Variants in SLC26A5 observed in about 807,000 individuals in gnomAD.
The protein encoded by SLC26A5 is prestin.
In SLC26A5, 51 loss-of-function variants were observed where a neutral mutation model predicts 81.0. The observed-to-expected ratio is 0.63, with a 90% CI of 0.50 to 0.80. The LOEUF is 0.80. SLC26A5 is among the 30% of genes least tolerant of loss of function. The probability of loss-of-function intolerance (pLI) is 0.00; values close to 1 mark genes in which losing one functional copy is unlikely to be tolerated. For missense variants in SLC26A5, 771 were observed against 905.8 expected (o/e 0.85, Z 1.91); for synonymous variants, 325 against 332.8 (o/e 0.98, Z 0.25).
intron 2 of SLC26A5, among the ~76,000 whole-genome samples, chr7:103,428,164 T>G (rs1825829905): frequency 6.6e-6 from 1 of 152,068 alleles, no homozygotes; most frequent in South Asian, 2.1e-4. Flanking sequence ...CGTCTAGAGA[T>G]TCTAATTTAA....
chr7:103,421,643 T>A, intron 2 of SLC26A5, 76 bp from the exon 3 acceptor site: 1 of 1,020,980 alleles, frequency 9.8e-7, no homozygotes, highest in Non-Finnish European at 1.5e-6. Context: ...CTCTTCTTTG[T>A]GGTGTTCCAA....
chr7:103,366,510 T>C (rs1820727323), intron 19 of SLC26A5, among the ~76,000 whole-genome samples: 1 of 152,228 alleles, frequency 6.6e-6, no homozygotes, highest in South Asian at 2.1e-4. Context: ...AAACCTGAAA[T>C]CTAAAGTGCT....
Position 103,376,764 on chromosome 7 carries a change from A to T in SLC26A5, c.2041+44T>A, listed in dbSNP as rs768558553. On this transcript the variant is annotated intron_variant, in intron 19 of 19. Coordinates refer to ENST00000306312, the MANE Select transcript of SLC26A5 (RefSeq NM_198999.3). ...TGCAATTATTTAAATAAGAGAAACA[A>T]AACTAAAATATTAAGCTTCACCCCA... 2.9e-6 allele frequency: 4 copies of T among 1,363,366 alleles called. No homozygotes were observed. In the East Asian group the frequency reaches 9.2e-5, roughly 31 times the overall value. 84.5% of individuals were successfully genotyped at this position (1,363,366 alleles called of 1,614,324 possible).
At chr7:103,437,251 G>C (rs1337195219) in intron 2 of SLC26A5, among the ~76,000 whole-genome samples, 1 of 152,220 alleles carries the variant, frequency 6.6e-6, no homozygotes, top group East Asian at 1.9e-4. Context: ...TCACCTGTTA[G>C]AATGGCCTTC....
chr7:103,389,344 G>T lies in SLC26A5; in HGVS notation c.1392C>A (p.Thr464=). 3 of 1,613,004 alleles carry T rather than the reference G, an allele frequency of 1.9e-6. No individual in the cohort carries two copies. Among genetic ancestry groups the T allele is most frequent in the Non-Finnish European group, 2.5e-6 (3 of 1,179,012 alleles). ...QFSDLPFFWR[T]SKIELTIWLT... is the part of the protein sequence containing the mutation. ...TGTTACTTACCAGCTCTATTTTGCTGGTTCTCCAGAAAAAGGGGAGATCTG... is the reference window on the plus strand; with the variant it reads ...TGTTACTTACCAGCTCTATTTTGCTTGTTCTCCAGAAAAAGGGGAGATCTG... Residue 464 remains threonine, a synonymous_variant, in exon 13 of 20, where the codon ACC becomes ACA. Transcript: ENST00000306312.
At chr7:103,405,473 G>T (rs761347473) in intron 8 of SLC26A5, among the ~76,000 whole-genome samples, 11 of 152,112 alleles carry the variant, frequency 7.2e-5, no homozygotes, top group Non-Finnish European at 1.5e-4. Context: ...GTTTGCTGAC[G>T]TCCATTCCAG....
intron 4 of SLC26A5, among the ~76,000 whole-genome samples, chr7:103,414,897 T>C (rs1421923315): frequency 6.6e-6 from 1 of 152,174 alleles, no homozygotes; most frequent in African/African-American, 2.4e-5. Context: ...GGGAAATGGA[T>C]AGGGTTTTAA....
intron 19 of SLC26A5, among the ~76,000 whole-genome samples, chr7:103,365,605 G>C (rs1820675404): frequency 6.6e-6 from 1 of 152,064 alleles, no homozygotes; most frequent in African/African-American, 2.4e-5. Context: ...CACCAGCCTG[G>C]GCAACAAGAG....
At chr7:103,379,144 G>T in intron 16 of SLC26A5, 99 bp downstream of exon 16, 1 of 826,248 alleles carries the variant, frequency 1.2e-6, no homozygotes, top group Middle Eastern at 2.3e-4. Flanking sequence ...GAAACAAAGC[G>T]AGAATGAAAT....
intron 14 of SLC26A5, among the ~76,000 whole-genome samples, chr7:103,386,675 C>T (rs993936183): frequency 1.3e-5 from 2 of 151,890 alleles, no homozygotes; most frequent in African/African-American, 4.8e-5. Context: ...CCATAAAATC[C>T]TATTCAGTAA....
chr7:103,393,616 T>A (rs879128071), intron 9 of SLC26A5, among the ~76,000 whole-genome samples: 1 of 151,168 alleles, frequency 6.6e-6, no homozygotes, highest in Admixed American at 6.6e-5. Context: ...TTAGCTGAGG[T>A]TGTAACATGG....
chr7:103,445,354 C>T (rs1007325), intron 1 of SLC26A5: 7,349 of 152,240 alleles, frequency 0.048, 260 homozygotes, highest in East Asian at 0.17. Flanking sequence ...TCAATTGGTT[C>T]CCGATCAACT....
At chr7:103,357,957 G>T (rs966177376) in intron 19 of SLC26A5, among the ~76,000 whole-genome samples, 7 of 152,084 alleles carry the variant, frequency 4.6e-5, no homozygotes, top group Admixed American at 1.3e-4. Context: ...GACCTGCTTT[G>T]GTTTGGACCA....
intron 2 of SLC26A5, among the ~76,000 whole-genome samples, chr7:103,435,314 T>C (rs116197998): frequency 0.011 from 1,658 of 152,334 alleles, 23 homozygotes; most frequent in African/African-American, 0.038. Context: ...ATTGTTTATC[T>C]TGATGTTTCT....
chr7:103,364,958 C>CATATATATATATATATATATATAT (rs59914167), intron 19 of SLC26A5, among the ~76,000 whole-genome samples: 181 of 125,410 alleles, frequency 1.4e-3, no homozygotes, highest in Middle Eastern at 4.1e-3. Context: ...TGTAGACATA[C>CATATATATATATATATATATATAT]ATATATATAT....
rs193012581 is a variant in SLC26A5 at position 103,426,493 on chromosome 7, T to C, written c.-53-4926A>G. Among the ~76,000 whole-genome samples, 12 of 152,344 alleles carry C rather than the reference T, an allele frequency of 7.9e-5. 1 individual carries two copies. ...GTCTCAACTTTAACTGGGTATCTTG[T>C]ATTTTTCTTTGCTAAATCTGGCAAC... On this transcript the variant is annotated intron_variant, in intron 2 of 19. Transcript: ENST00000306312.
intron 8 of SLC26A5, 129 bp from the exon 9 acceptor site, chr7:103,398,143 T>C (rs1243818552): frequency 1.3e-6 from 1 of 769,630 alleles, no homozygotes; most frequent in South Asian, 1.4e-5. Flanking sequence ...AAAAAGAAGA[T>C]TTACCATTAG....
chr7:103,442,152 T>A (rs2116875714), intron 2 of SLC26A5, among the ~76,000 whole-genome samples: 1 of 152,220 alleles, frequency 6.6e-6, no homozygotes, highest in South Asian at 2.1e-4. Context: ...TTTTTTTAAT[T>A]TTCTTTGAGA....
At chr7:103,372,081 T>C (rs1821077452), downstream of SLC26A5, among the ~76,000 whole-genome samples, 1 of 152,240 alleles carries the variant, frequency 6.6e-6, no homozygotes, top group South Asian at 2.1e-4. Context: ...GTTTCTAGTG[T>C]AAGCTGAGGT....
Sources: allele counts gnomAD v4.1 joint callset (sites outside exome capture counted in the v4.1 genomes callset), GRCh38; gene constraint gnomAD v4.1.1; transcripts MANE v1.5; gene names NCBI Gene and HGNC (gene_info 2026-07-23, HGNC 2026-07-21).